The following NBEAL1 variants were observed in gnomAD, a reference collection of about 807,000 sequenced individuals.
NBEAL1 encodes neurobeachin-like protein 1.
Under a neutral mutation model 351.3 loss-of-function variants are expected in NBEAL1, and 273 were observed. The observed-to-expected ratio is 0.78, with a 90% CI of 0.70 to 0.86. The LOEUF is 0.86. Among genes scored for constraint, NBEAL1 ranks in the 40% least tolerant of loss-of-function variants. NBEAL1 has a pLI of 0.00. For missense variants in NBEAL1, 2,961 were observed against 3,201.3 expected (o/e 0.92, Z 1.81); for synonymous variants, 1,050 against 1,086.4 (o/e 0.97, Z 0.66).
chr2:203,206,466 G>A (rs2065565671), intron 51 of NBEAL1, among the ~76,000 whole-genome samples: 1 of 151,946 alleles, frequency 6.6e-6, no homozygotes, highest in Admixed American at 6.6e-5. Context: ...CTGATGCCGA[G>A]CCAAAGCTGG....
In NBEAL1 at chr2:203,174,829, T is replaced by A. The variant is rs2064443170; in HGVS notation, c.6324-318T>A. Reference sequence around the variant, plus strand: ...TGATGTGAACCCAGGAGGCGGAGCTTGCAGTGAGCCGAGAGCGAGACTCTG... The same window carrying A: ...TGATGTGAACCCAGGAGGCGGAGCTAGCAGTGAGCCGAGAGCGAGACTCTG... On this transcript the variant is annotated intron_variant, in intron 41 of 55. Coordinates refer to ENST00000683969, the MANE Select transcript of NBEAL1 (RefSeq NM_001378026.1). 2.0e-5 allele frequency among the ~76,000 whole-genome samples: 3 copies of A among 151,202 alleles called. No homozygotes were observed. In the South Asian group the frequency reaches 6.3e-4, roughly 32 times the overall value.
intron 2 of NBEAL1, among the ~76,000 whole-genome samples, chr2:203,039,465 A>G (rs1039910073): frequency 6.9e-5 from 10 of 145,302 alleles, no homozygotes; most frequent in African/African-American, 2.5e-4. Flanking sequence ...GTGCAGTAGC[A>G]TGATCTCAGC....
chr2:203,139,630 T>A (rs1054145392), intron 31 of NBEAL1, among the ~76,000 whole-genome samples: 1 of 130,210 alleles, frequency 7.7e-6, no homozygotes, highest in Non-Finnish European at 1.6e-5. Flanking sequence ...GTGCGGTGGC[T>A]CTCGGCTCAC....
chr2:203,193,469 T>G (rs2065152710), intron 46 of NBEAL1, among the ~76,000 whole-genome samples: 1 of 152,104 alleles, frequency 6.6e-6, no homozygotes, highest in Non-Finnish European at 1.5e-5. Context: ...CATAAACAAC[T>G]ATATGTAATC....
intron 12 of NBEAL1, among the ~76,000 whole-genome samples, chr2:203,104,600 A>G (rs2062394291): frequency 6.6e-6 from 1 of 152,136 alleles, no homozygotes; most frequent in South Asian, 2.1e-4. Flanking sequence ...GCTAGTTATT[A>G]TACAGACTTG....
At chr2:203,206,521 T>G (rs1209266017) in intron 51 of NBEAL1, among the ~76,000 whole-genome samples, 1 of 152,156 alleles carries the variant, frequency 6.6e-6, no homozygotes, top group African/African-American at 2.4e-5. Context: ...CCCTGCCTGA[T>G]TCTCCTGCCT....
In NBEAL1 at chr2:203,132,017, T is replaced by C. The variant is rs1164666518; in HGVS notation, c.3609T>C (p.Ser1203=). 1.3e-6 allele frequency: 2 copies of C among 1,554,090 alleles called. No homozygotes were observed. The highest frequency in any genetic ancestry group is 1.7e-6 in the Non-Finnish European group (2 of 1,147,558). ...MLKCTNVYER[S]KQHIRLREVG... is the part of the protein sequence containing the mutation. ...AATGCACGAACGTTTATGAGCGTAG[T>C]AAACAACATATTCGACTCAGAGAAG... The change falls in exon 26 of 56, where the codon AGT becomes AGC. Residue 1203 remains serine (S), a synonymous_variant. Coordinates refer to ENST00000683969, the MANE Select transcript of NBEAL1 (RefSeq NM_001378026.1).
chr2:203,217,285 G>T lies in NBEAL1; in HGVS notation c.8103G>T (p.Trp2701Cys). Residue 2701 changes from tryptophan to cysteine, a missense_variant, in exon 56 of 56, where the codon TGG (tryptophan) becomes TGT (cysteine). Coordinates refer to ENST00000683969, the MANE Select transcript of NBEAL1 (RefSeq NM_001378026.1). Reference sequence around the variant, plus strand: ...CAGGTCAGCTTTCTCGAAAATTTTGGGGATCGAGCAAGCGGCTCAGCCAGA... The same window carrying T: ...CAGGTCAGCTTTCTCGAAAATTTTGTGGATCGAGCAAGCGGCTCAGCCAGA... ...MRSGQLSRKF[W>C]GSSKRLSQIS... 6.3e-7 allele frequency: 1 copy of T among 1,597,972 alleles called. No individual in the cohort carries two copies. Among genetic ancestry groups the T allele is most frequent in the Non-Finnish European group, 8.5e-7 (1 of 1,171,822 alleles).
At chr2:203,163,347 A>G (rs529015960) in intron 36 of NBEAL1, among the ~76,000 whole-genome samples, 17 of 152,306 alleles carry the variant, frequency 1.1e-4, no homozygotes, top group African/African-American at 3.8e-4. Flanking sequence ...ATTCCACTGC[A>G]AAAAAGCAAA....
At chr2:203,189,964 C>T (rs1304100062) in intron 45 of NBEAL1, among the ~76,000 whole-genome samples, 2 of 151,622 alleles carry the variant, frequency 1.3e-5, no homozygotes, top group African/African-American at 4.8e-5. Context: ...AGTGAAACCC[C>T]GTCTCTACTA....
chr2:203,034,520 A>G (rs2061010303), intron 2 of NBEAL1, among the ~76,000 whole-genome samples: 2 of 134,968 alleles, frequency 1.5e-5, no homozygotes, highest in Admixed American at 7.8e-5. Flanking sequence ...GTGCAATGGC[A>G]CAATCTCGGC....
rs918542394 is a variant in NBEAL1, at chr2:203,224,332, G to A, written c.*6978G>A. Among the ~76,000 whole-genome samples the A allele has an allele frequency of 6.6e-6, 1 of 151,982 alleles. No individual in the cohort carries two copies. The highest frequency in any genetic ancestry group is 1.5e-5 in the Non-Finnish European group (1 of 67,932). On this transcript the variant is annotated 3_prime_UTR_variant, in exon 56 of 56. Coordinates refer to ENST00000683969, the MANE Select transcript of NBEAL1 (RefSeq NM_001378026.1). ...TGGTTCCATTTAGAAACTCTTAACA[G>A]GTATGGCTTTCATTCCTCCAGTTGT...
chr2:203,123,873 A>G (rs1286513579), intron 19 of NBEAL1, among the ~76,000 whole-genome samples: 2 of 152,126 alleles, frequency 1.3e-5, no homozygotes, highest in South Asian at 2.1e-4. Context: ...TGTGGAAATC[A>G]AAAAGCAACA....
At chr2:203,132,269 G>A (rs762875086) in intron 26 of NBEAL1, 137 bp downstream of exon 26, 5 of 603,240 alleles carry the variant, frequency 8.3e-6, no homozygotes, top group South Asian at 2.6e-5. Flanking sequence ...CATATCTTAC[G>A]TAGTTTTGTT....
chr2:203,181,133 T>G (rs551315009), intron 43 of NBEAL1: 73 of 151,936 alleles, frequency 4.8e-4, no homozygotes, highest in African/African-American at 1.6e-3. Context: ...GGTCTCACTT[T>G]GTTGTCCAGG....
chr2:203,172,152 ACCCAGTTATTTTC>A, intron 40 of NBEAL1, 129 bp downstream of exon 40: 1 of 443,102 alleles, frequency 2.3e-6, no homozygotes, highest in Non-Finnish European at 3.9e-6. Context: ...TATGTTTTCT[ACCCAGTTATTTTC>A]AAAAAGTATA....
chr2:203,161,902 C>T (rs1158416570), intron 36 of NBEAL1, among the ~76,000 whole-genome samples: 1 of 151,960 alleles, frequency 6.6e-6, no homozygotes, highest in Non-Finnish European at 1.5e-5. Flanking sequence ...TCCAGTAAGA[C>T]TGCCATCCTT....
At chr2:203,193,161 A>C (rs2065143586) in intron 46 of NBEAL1, among the ~76,000 whole-genome samples, 1 of 151,684 alleles carries the variant, frequency 6.6e-6, no homozygotes, top group South Asian at 2.1e-4. Flanking sequence ...TAGTAGATAC[A>C]GGGTTTCACC....
At position 203,016,307 on chromosome 2, in the gene NBEAL1, G is replaced by T; in HGVS notation, c.-78G>T. On this transcript the variant is annotated 5_prime_UTR_variant, in exon 2 of 56. Transcript: ENST00000683969. ...GCTTTACTGAACGGCTGAAAAACTT[G>T]GAAAATAAAATGGACATGCTGTAGT... is the stretch of plus-strand genomic sequence containing the variant. 9.4e-7 allele frequency: 1 copy of T among 1,062,934 alleles called. No individual in the cohort carries two copies. 65.8% of individuals were successfully genotyped at this position (1,062,934 alleles called of 1,614,324 possible).
Sources: gnomAD v4.1 joint callset for allele counts (sites outside exome capture counted in the v4.1 genomes callset) on GRCh38, gnomAD v4.1.1 for gene constraint, MANE v1.5 for transcripts, NCBI Gene and HGNC (gene_info 2026-07-23, HGNC 2026-07-21) for gene names.